Variants in MFRP observed in about 807,000 individuals in gnomAD.
MFRP encodes membrane frizzled-related protein.
In MFRP, 74 loss-of-function variants were observed where a neutral mutation model predicts 65.8. The ratio of observed to expected loss-of-function variants is 1.12; its 90% CI spans 0.93 to 1.36. The LOEUF is 1.36. MFRP is among the 40% of genes most tolerant of loss of function. The pLI, the probability that MFRP is intolerant of heterozygous loss-of-function variation, is 0.00. For missense variants in MFRP, 838 were observed against 736.0 expected (o/e 1.14, Z -1.60); for synonymous variants, 336 against 288.3 (o/e 1.17, Z -1.68).
At position 119,339,837 on chromosome 11, in the gene MFRP, G is replaced by T; in HGVS notation, c.*1122C>A. The T allele has an allele frequency of 6.7e-7, 1 of 1,493,746 alleles. No homozygotes were observed. Among genetic ancestry groups the T allele is most frequent in the South Asian group, 1.3e-5 (1 of 77,018 alleles). The allele number at this position is 1,493,746 out of a possible 1,614,324, so 92.5% of individuals were successfully genotyped here. A position where few individuals can be genotyped will look rare whatever the true frequency, so the allele number is the denominator to read the frequency against. ...CCTCGCGGCCCGGGGTCCCCTCGAG[G>T]TCCCGGCAGTCCTGCGGGGTAAGCG... On this transcript the variant is annotated 3_prime_UTR_variant, in exon 15 of 15. Transcript: ENST00000619721. The surrounding 1 kb of genome is among the most constrained non-coding windows in gnomAD (Gnocchi z 5.4).
chr11:119,343,880 A>G lies in MFRP; in HGVS notation c.1060T>C (p.Cys354Arg). The change falls in exon 9 of 15, where the codon TGC becomes CGC. Residue 354 changes from cysteine (C) to arginine (R), a missense_variant. By Grantham distance (180) the Cys-to-Arg change is radical. Transcript: ENST00000619721. ...TACACCTCCACGTAGTCAAACTTGC[A>G]CTCGTCCTGAGCCTCCAGGCTGAAG... The part of the protein sequence containing the change: ...HNFSLEAQDE[C>R]KFDYVEVYET... The G allele has an allele frequency of 1.2e-6, 2 of 1,613,234 alleles. No individual in the cohort carries two copies. The highest frequency in any genetic ancestry group is 1.7e-6 in the Non-Finnish European group (2 of 1,179,876).
At position 119,341,942 on chromosome 11, in the gene MFRP, A is replaced by G; in HGVS notation, c.1430T>C (p.Leu477Pro). 6.2e-7 allele frequency: 1 copy of G among 1,613,854 alleles called. No individual in the cohort carries two copies. Among genetic ancestry groups the G allele is most frequent in the African/African-American group, 1.3e-5 (1 of 75,046 alleles). ...EPVQVEMCLGLSYNTTAFPNI... is the reference protein window; with the variant it reads ...EPVQVEMCLGPSYNTTAFPNI... ...AGGGAAGGCTGTGGTGTTGTAGCTC[A>G]GACCGAGGCACATCTCCACCTGGAC... Residue 477 changes from leucine (L) to proline (P), a missense_variant, in exon 12 of 15, where the codon CTG becomes CCG. Physicochemically the swap from Leu to Pro is moderately conservative, Grantham distance 98. Coordinates refer to ENST00000619721, the MANE Select transcript of MFRP (RefSeq NM_031433.4).
intron 4 of MFRP, 28 bp downstream of exon 4, chr11:119,345,745 T>A (rs751810004): frequency 1.9e-6 from 3 of 1,613,252 alleles, no homozygotes; most frequent in Non-Finnish European, 1.7e-6. Flanking sequence ...TGGGCCCTTC[T>A]CCCGGAAGAT....
rs759098820 is a variant in MFRP, at chr11:119,346,364, C to A, written c.65G>T (p.Cys22Phe). The change falls in exon 2 of 15, where the codon TGC (cysteine) becomes TTC (phenylalanine). Residue 22 changes from cysteine to phenylalanine, a missense_variant. Coordinates refer to ENST00000619721, the MANE Select transcript of MFRP (RefSeq NM_031433.4). ...AGACTCAGGCTCGAAGGCAGGATTGCAGAACTCGGTCTGGAAGGGGGAGAT... is the reference window on the plus strand; with the variant it reads ...AGACTCAGGCTCGAAGGCAGGATTGAAGAACTCGGTCTGGAAGGGGGAGAT... ...EATESSKTEF[C>F]NPAFEPESGP... is the part of the protein sequence containing the mutation. The A allele has an allele frequency of 1.9e-6, 3 of 1,614,004 alleles. No homozygotes were observed. The South Asian group carries it at 3.3e-5, about 18-fold the overall frequency.
intron 7 of MFRP, 118 bp from the exon 8 acceptor site, chr11:119,344,509 C>A: frequency 1.3e-6 from 2 of 1,582,752 alleles, no homozygotes; most frequent in South Asian, 2.2e-5. Context: ...AGTTCTGGGC[C>A]AAAGAATGAC....
chr11:119,344,297 A>C lies in MFRP; in HGVS notation c.975+18T>G. 1.9e-6 allele frequency: 3 copies of C among 1,612,382 alleles called. No individual in the cohort carries two copies. The highest frequency in any genetic ancestry group is 2.5e-6 in the Non-Finnish European group (3 of 1,178,570). ...TCCGTGTGTGCCCCTCCCGTTCTGC[A>C]TGGAGCACTGTGCTTACCAGTTGGT... On this transcript the variant is annotated intron_variant, in intron 8 of 14. Transcript: ENST00000619721.
chr11:119,345,322 T>C, intron 5 of MFRP, 98 bp downstream of exon 5: 1 of 1,278,278 alleles, frequency 7.8e-7, no homozygotes, highest in Non-Finnish European at 1.1e-6. Context: ...TCTCTCAATT[T>C]CTTCCTCGGT....
chr11:119,340,186 G>T lies in MFRP; in HGVS notation c.*1108C>A, dbSNP rs554735772. The T allele has an allele frequency of 3.4e-5, 52 of 1,514,156 alleles. No individual in the cohort carries two copies. The Middle Eastern group carries it at 7.0e-4, about 20-fold the overall frequency. The allele number at this position is 1,514,156 out of a possible 1,614,324, so 93.8% of individuals were successfully genotyped here. On this transcript the variant is annotated splice_region_variant and 3_prime_UTR_variant, in exon 14 of 15. Transcript: ENST00000619721. ...TAGCCGCGGCGGTGCCTTCTTACCC[G>T]GCCTCCCGCCCTCGCCTTTCTCTCC...
chr11:119,346,387 G>A lies in MFRP; in HGVS notation c.55-13C>T. On this transcript the variant is annotated splice_polypyrimidine_tract_variant and intron_variant, in intron 1 of 14. Coordinates refer to ENST00000619721, the MANE Select transcript of MFRP (RefSeq NM_031433.4). ...TGCAGAACTCGGTCTGGAAGGGGGAGATACTTGAGGGCTGAGGGCAGCAGT... is the reference window on the plus strand; with the variant it reads ...TGCAGAACTCGGTCTGGAAGGGGGAAATACTTGAGGGCTGAGGGCAGCAGT... 1 of 1,612,602 alleles carries A rather than the reference G, an allele frequency of 6.2e-7. No individual in the cohort carries two copies.
chr11:119,346,411 G>A (rs750416718), intron 1 of MFRP, 37 bp from the exon 2 acceptor site: 47 of 1,613,290 alleles, frequency 2.9e-5, no homozygotes, highest in Non-Finnish European at 4.0e-5. Context: ...GAGGGCAGCA[G>A]TGACCACTGG....
At chr11:119,344,070 T>C (rs1591304413) in intron 8 of MFRP, 106 bp from the exon 9 acceptor site, 4 of 1,439,686 alleles carry the variant, frequency 2.8e-6, no homozygotes, top group South Asian at 1.2e-5. Flanking sequence ...GATGGGGTGG[T>C]GCTTTCATCA....
At position 119,339,160 on chromosome 11, in the gene MFRP, G is replaced by T; in HGVS notation, c.*1799C>A. The stretch of plus-strand genomic sequence containing the variant: ...CTGCCCCATGCTGCCAGACCTGATC[G>T]CAGACAGCCACTGTTCCCATTCCTT... On this transcript the variant is annotated 3_prime_UTR_variant, in exon 15 of 15. Transcript: ENST00000619721. The surrounding 1 kb of genome is among the most constrained non-coding windows in gnomAD (Gnocchi z 5.4). 1 of 716,420 alleles carries T rather than the reference G, an allele frequency of 1.4e-6. No homozygotes were observed. The highest frequency in any genetic ancestry group is 2.3e-6 in the Non-Finnish European group (1 of 443,864). 44.4% of individuals were successfully genotyped at this position (716,420 alleles called of 1,614,324 possible). A position where few individuals can be genotyped will look rare whatever the true frequency, so the allele number is the denominator to read the frequency against.
intron 11 of MFRP, 74 bp from the exon 12 acceptor site, chr11:119,342,058 G>T: frequency 5.0e-6 from 8 of 1,588,200 alleles, no homozygotes; most frequent in Middle Eastern, 3.4e-4. Flanking sequence ...TCACCGAATC[G>T]CTCGGTCCTG....
rs777751948 is a variant in MFRP, at chr11:119,346,451, G to A, written c.54+9C>T. On this transcript the variant is annotated intron_variant, in intron 1 of 14. Coordinates refer to ENST00000619721, the MANE Select transcript of MFRP (RefSeq NM_031433.4). ...GGGTCTTAGGAGCACGATTCTATGTGGTCCTTACCTTGCTCGATTCTGTTG... is the reference window on the plus strand; with the variant it reads ...GGGTCTTAGGAGCACGATTCTATGTAGTCCTTACCTTGCTCGATTCTGTTG... 3 of 1,613,944 alleles carry A rather than the reference G, an allele frequency of 1.9e-6. No individual in the cohort carries two copies. The highest frequency in any genetic ancestry group is 1.3e-5 in the African/African-American group (1 of 74,876).
rs778326785 is a variant in MFRP at position 119,346,159 on chromosome 11, C to T, written c.158G>A (p.Gly53Asp). 1.3e-6 allele frequency: 2 copies of T among 1,588,064 alleles called. No homozygotes were observed. Among genetic ancestry groups the T allele is most frequent in the Non-Finnish European group, 1.7e-6 (2 of 1,166,760 alleles). ...TGGCCGTAGCCCTCGAGGACGCCGACCTGCGGGTTGGCAGGTGGGGTTTTG... is the reference window on the plus strand; with the variant it reads ...TGGCCGTAGCCCTCGAGGACGCCGATCTGCGGGTTGGCAGGTGGGGTTTTG... ...ASYSVPAPWH[G>D]RRPRGLRPDC... The change falls in exon 3 of 15, where the codon GGT becomes GAT. Residue 53 changes from glycine to aspartate, a missense_variant and splice_region_variant. Gly to Asp is a moderately conservative substitution (Grantham distance 94, BLOSUM62 -1). Coordinates refer to ENST00000619721, the MANE Select transcript of MFRP (RefSeq NM_031433.4).
rs200143181 is a variant in MFRP at position 119,346,125 on chromosome 11, G to C, written c.192C>G (p.Arg64=). Reference sequence around the variant, plus strand: ...GCAGGAGGACACAGAGCCAGGAGAAGCGGCAGTCTGGCCGTAGCCCTCGAG... The same window carrying C: ...GCAGGAGGACACAGAGCCAGGAGAACCGGCAGTCTGGCCGTAGCCCTCGAG... ...RRPRGLRPDC[R]FSWLCVLLLS... Residue 64 remains arginine, a synonymous_variant, in exon 3 of 15, where the codon CGC becomes CGG. Transcript: ENST00000619721. The C allele has an allele frequency of 1.3e-4, 201 of 1,603,890 alleles. No homozygotes were observed. In the East Asian group the frequency reaches 3.8e-3, roughly 31 times the overall value.
Position 119,339,819 on chromosome 11 carries a change from GC to G in MFRP, c.*1139del. The G allele has an allele frequency of 1.3e-6, 2 of 1,517,150 alleles. No individual in the cohort carries two copies. The highest frequency in any genetic ancestry group is 1.8e-6 in the Non-Finnish European group (2 of 1,139,090). The allele number at this position is 1,517,150 out of a possible 1,614,324, so 94.0% of individuals were successfully genotyped here. On this transcript the variant is annotated 3_prime_UTR_variant, in exon 15 of 15. Coordinates refer to ENST00000619721, the MANE Select transcript of MFRP (RefSeq NM_031433.4). The surrounding 1 kb of genome is among the most constrained non-coding windows in gnomAD (Gnocchi z 5.4). ...CCCGCGGGTCCCGCCTCTCCTCGCG[GC>G]CCGGGGTCCCCTCGAGGTCCCGGCA... is the stretch of plus-strand genomic sequence containing the variant.
In MFRP at chr11:119,343,937, C is replaced by T. The variant is rs2135370706; in HGVS notation, c.1003G>A (p.Ala335Thr). Residue 335 changes from alanine (A) to threonine (T), a missense_variant, in exon 9 of 15, where the codon GCC becomes ACC. Coordinates refer to ENST00000619721, the MANE Select transcript of MFRP (RefSeq NM_031433.4). ...AACTGTAGTTCTATGCTGTGTCCGGCAGGCACCGAGATATGCCAGGTGCAG... is the reference window on the plus strand; with the variant it reads ...AACTGTAGTTCTATGCTGTGTCCGGTAGGCACCGAGATATGCCAGGTGCAG... ...LLCTWHISVP[A>T]GHSIELQFHN... 1 of 1,613,534 alleles carries T rather than the reference C, an allele frequency of 6.2e-7. No individual in the cohort carries two copies. Among genetic ancestry groups the T allele is most frequent in the Non-Finnish European group, 8.5e-7 (1 of 1,180,006 alleles).
rs1238957049 is a variant in MFRP, at chr11:119,346,279, G to A, written c.150C>T (p.Pro50=). 6.2e-7 allele frequency: 1 copy of A among 1,612,986 alleles called. No individual in the cohort carries two copies. Among genetic ancestry groups the A allele is most frequent in the South Asian group, 1.1e-5 (1 of 90,896 alleles). Residue 50 remains proline (P), a synonymous_variant, in exon 2 of 15, where the codon CCC becomes CCT. Coordinates refer to ENST00000619721, the MANE Select transcript of MFRP (RefSeq NM_031433.4). ...PEDASYSVPA[P]WHGRRPRGLR... The stretch of plus-strand genomic sequence containing the variant: ...ACCCCCTGGGATGGTTACCATGCCA[G>A]GGAGCTGGGACGCTGTAGCTGGCAT...
Sources: allele counts gnomAD v4.1 joint callset, GRCh38; gene constraint gnomAD v4.1.1; non-coding constraint Gnocchi (gnomAD v3.1); transcripts MANE v1.5; gene names NCBI Gene and HGNC (gene_info 2026-07-23, HGNC 2026-07-21).